Variants in CLHC1 observed in about 807,000 individuals in gnomAD.
CLHC1 encodes the protein clathrin heavy chain linker domain-containing protein 1.
A neutral mutation model predicts 69.5 loss-of-function variants in CLHC1; 72 were observed. That is an observed-to-expected ratio of 1.04 (90% CI 0.86 to 1.26). The LOEUF is 1.26. Among genes scored for constraint, CLHC1 ranks in the 50% most tolerant of loss-of-function variants. The pLI, the probability that CLHC1 is intolerant of heterozygous loss-of-function variation, is 0.00. For missense variants in CLHC1, 790 were observed against 679.3 expected, an observed-to-expected ratio of 1.16 and a Z score of -1.81; for synonymous variants, 223 against 224.3, an observed-to-expected ratio of 0.99 and a Z score of 0.05.
intron 9 of CLHC1, among the ~76,000 whole-genome samples, chr2:55,195,318 T>C (rs13021215): frequency 0.39 from 58,600 of 152,030 alleles, 13,580 homozygotes; most frequent in East Asian, 0.51. Flanking sequence ...GTTCACTTAG[T>C]ATAATGTGCT....
At chr2:55,229,573 A>T (rs1199575987) in intron 1 of CLHC1, among the ~76,000 whole-genome samples, 1 of 152,182 alleles carries the variant, frequency 6.6e-6, no homozygotes, top group Admixed American at 6.5e-5. Flanking sequence ...CTATCAGCCT[A>T]GGGGGTACCT....
intron 9 of CLHC1, among the ~76,000 whole-genome samples, chr2:55,197,557 AG>A (rs1269628540): frequency 1.3e-5 from 2 of 152,208 alleles, no homozygotes; most frequent in Non-Finnish European, 2.9e-5. Context: ...ATTTTAGGGG[AG>A]AAAGTAATGG....
Position 55,172,892 on chromosome 2 carries a change from A to T in CLHC1, c.*2898T>A, listed in dbSNP as rs1669076025. On this transcript the variant is annotated 3_prime_UTR_variant, in exon 13 of 13. Transcript: ENST00000401408. Reference sequence around the variant, plus strand: ...TCTAAATATTAAAAAAATTTTTTTCATTAGACTAGACTTCTGTTCAACATC... The same window carrying T: ...TCTAAATATTAAAAAAATTTTTTTCTTTAGACTAGACTTCTGTTCAACATC... Among the ~76,000 whole-genome samples, 1 of 152,182 alleles carries T rather than the reference A, an allele frequency of 6.6e-6. No individual in the cohort carries two copies. Among genetic ancestry groups the T allele is most frequent in the South Asian group, 2.1e-4 (1 of 4,836 alleles).
intron 9 of CLHC1, among the ~76,000 whole-genome samples, chr2:55,183,821 G>A (rs906984134): frequency 2.0e-5 from 3 of 151,952 alleles, no homozygotes; most frequent in African/African-American, 7.3e-5. Flanking sequence ...TCGCTCCGTC[G>A]CCAGGCTGGA....
rs1669162364 is a variant in CLHC1, at chr2:55,173,914, A to G, written c.*1876T>C. 6.6e-6 allele frequency among the ~76,000 whole-genome samples: 1 copy of G among 151,778 alleles called. No individual in the cohort carries two copies. The highest frequency in any genetic ancestry group is 1.5e-5 in the Non-Finnish European group (1 of 68,000). On this transcript the variant is annotated 3_prime_UTR_variant, in exon 13 of 13. Transcript: ENST00000401408. ...GTTTAAGCTTTCTCTAGATTTATAT[A>G]CCTACTTTATCCTCCTGGCTTTCAT... is the stretch of plus-strand genomic sequence containing the variant.
chr2:55,213,200 A>G (rs1296616603), intron 4 of CLHC1, among the ~76,000 whole-genome samples: 4 of 152,212 alleles, frequency 2.6e-5, no homozygotes, highest in African/African-American at 9.6e-5. Context: ...ACAATTCTGG[A>G]AGCCAGAAAT....
At chr2:55,202,483 G>A (rs569190458) in intron 9 of CLHC1, among the ~76,000 whole-genome samples, 1 of 151,512 alleles carries the variant, frequency 6.6e-6, no homozygotes, top group East Asian at 1.9e-4. Context: ...TTGAACCCAG[G>A]AGGCGGAGTT....
chr2:55,224,721 T>C, intron 2 of CLHC1: 1 of 288,236 alleles, frequency 3.5e-6, no homozygotes, highest in Non-Finnish European at 7.3e-6. Flanking sequence ...TTTATTCTAC[T>C]TCAAGAGATT....
Position 55,180,692 on chromosome 2 carries a change from GCCT to G in CLHC1, c.1199_1201del (p.Glu400del), listed in dbSNP as rs749402416. On this transcript the variant is annotated inframe_deletion, in exon 11 of 13. Transcript: ENST00000401408. ...CCCATAATCACAAATCACATCCCCA[GCCT>G]CCTCAGAAAATGTCAGTCTAGAACA... The G allele has an allele frequency of 6.2e-7, 1 of 1,613,852 alleles. No homozygotes were observed. The highest frequency in any genetic ancestry group is 2.2e-5 in the East Asian group (1 of 44,854).
intron 4 of CLHC1, among the ~76,000 whole-genome samples, chr2:55,215,735 G>A (rs1232791163): frequency 6.6e-6 from 1 of 152,098 alleles, no homozygotes; most frequent in Non-Finnish European, 1.5e-5. Context: ...AGTAAAAACT[G>A]AAAATTATGG....
chr2:55,177,593 T>G lies in CLHC1; in HGVS notation c.1564+9A>C, dbSNP rs954121313. The G allele has an allele frequency of 1.9e-6, 3 of 1,568,382 alleles. No homozygotes were observed. The highest frequency in any genetic ancestry group is 2.7e-5 in the African/African-American group (2 of 73,640). ...TACTATTTCTCCCACAACATTTTAT[T>G]CTACTTACCTATCCCACCTTTATTG... is the stretch of plus-strand genomic sequence containing the variant. On this transcript the variant is annotated intron_variant, in intron 12 of 12. Coordinates refer to ENST00000401408, the MANE Select transcript of CLHC1 (RefSeq NM_152385.4).
chr2:55,183,176 C>A (rs1363342791), intron 9 of CLHC1, among the ~76,000 whole-genome samples: 1 of 151,960 alleles, frequency 6.6e-6, no homozygotes, highest in African/African-American at 2.4e-5. Flanking sequence ...GTTCTAGAGC[C>A]AAATCAGAGC....
At chr2:55,192,500 AAGTT>A (rs1217647455) in intron 9 of CLHC1, among the ~76,000 whole-genome samples, 1 of 152,154 alleles carries the variant, frequency 6.6e-6, no homozygotes, top group African/African-American at 2.4e-5. Flanking sequence ...AATAGATTAA[AAGTT>A]AGAGGACTGA....
Position 55,220,696 on chromosome 2 carries a change from G to A in CLHC1, c.177+1539C>T, listed in dbSNP as rs1402689058. 3.3e-5 allele frequency among the ~76,000 whole-genome samples: 5 copies of A among 152,112 alleles called. 1 individual carries two copies. Among genetic ancestry groups the A allele is most frequent in the Non-Finnish European group, 7.4e-5 (5 of 68,026 alleles). ...GAGCTCTTCATGTAAGAAAAATTCT[G>A]ACAAGTGTTAACACTTGGGCATGCA... On this transcript the variant is annotated intron_variant, in intron 3 of 12. Transcript: ENST00000401408.
At chr2:55,180,266 C>A (rs1267103448) in intron 11 of CLHC1, among the ~76,000 whole-genome samples, 2 of 151,998 alleles carry the variant, frequency 1.3e-5, no homozygotes, top group Non-Finnish European at 2.9e-5. Flanking sequence ...ATTTCCAGGA[C>A]TATCTGGCTT....
Position 55,192,977 on chromosome 2 carries a change from G to A in CLHC1, c.1007-11233C>T, listed in dbSNP as rs187782638. Among the ~76,000 whole-genome samples, 559 of 145,138 alleles carry A rather than the reference G, an allele frequency of 3.9e-3. 3 individuals carry two copies. Among genetic ancestry groups the A allele is most frequent in the Middle Eastern group, 0.033 (9 of 274 alleles). On this transcript the variant is annotated intron_variant, in intron 9 of 12. Coordinates refer to ENST00000401408, the MANE Select transcript of CLHC1 (RefSeq NM_152385.4). Reference sequence around the variant, plus strand: ...ATGATATCAGCTCACTGCAACCTCCGCCTCCTGGGTTCAAGCGATTCTCCT... The same window carrying A: ...ATGATATCAGCTCACTGCAACCTCCACCTCCTGGGTTCAAGCGATTCTCCT...
chr2:55,201,836 G>A (rs1671972282), intron 9 of CLHC1, among the ~76,000 whole-genome samples: 1 of 152,022 alleles, frequency 6.6e-6, no homozygotes, highest in Non-Finnish European at 1.5e-5. Flanking sequence ...TTTATCCTAG[G>A]GATGTAAGGA....
intron 5 of CLHC1, among the ~76,000 whole-genome samples, chr2:55,210,895 G>A (rs1054883711): frequency 6.6e-6 from 1 of 151,654 alleles, no homozygotes; most frequent in East Asian, 2.0e-4. Flanking sequence ...CTCTCACAGG[G>A]TCTGCCCAGG....
chr2:55,227,542 GT>G (rs1272162970), intron 2 of CLHC1, among the ~76,000 whole-genome samples: 3 of 151,986 alleles, frequency 2.0e-5, no homozygotes, highest in African/African-American at 7.3e-5. Context: ...GCTGGGAGTG[GT>G]GGCACACGCC....
Sources: gnomAD v4.1 joint callset for allele counts (sites outside exome capture counted in the v4.1 genomes callset) on GRCh38, gnomAD v4.1.1 for gene constraint, MANE v1.5 for transcripts, NCBI Gene and HGNC (gene_info 2026-07-23, HGNC 2026-07-21) for gene names.